The following LRRN2 variants were observed in gnomAD, a reference collection of about 807,000 sequenced individuals.
LRRN2 encodes the protein leucine-rich repeat neuronal protein 2.
In LRRN2, 10 loss-of-function variants were observed where a neutral mutation model predicts 35.7. The observed-to-expected ratio is 0.28, with a 90% CI of 0.17 to 0.47. The LOEUF is 0.47. LRRN2 is among the 20% of genes least tolerant of loss of function. LRRN2 has a pLI of 0.99. For missense variants in LRRN2, 731 were observed against 940.3 expected (o/e 0.78, Z 2.91); for synonymous variants, 391 against 409.6 (o/e 0.95, Z 0.55).
intron 1 of LRRN2, among the ~76,000 whole-genome samples, chr1:204,631,385 CTT>C (rs1425332038): frequency 2.7e-5 from 4 of 146,036 alleles, no homozygotes. Flanking sequence ...CAAGGGAACT[CTT>C]ATCCATTGAG....
intron 1 of LRRN2, chr1:204,620,475 A>G (rs1164932564): frequency 1.1e-5 from 2 of 182,434 alleles, no homozygotes; most frequent in South Asian, 2.9e-4. Flanking sequence ...GGGTTTCTCC[A>G]TGTTGGCCAG....
At chr1:204,659,422 C>T (rs1668423122) in intron 1 of LRRN2, among the ~76,000 whole-genome samples, 1 of 152,160 alleles carries the variant, frequency 6.6e-6, no homozygotes, top group South Asian at 2.1e-4. Flanking sequence ...CTGCATGGAG[C>T]CCGGCCTGAA....
chr1:204,622,595 C>G (rs1484551904), intron 1 of LRRN2, among the ~76,000 whole-genome samples: 1 of 152,020 alleles, frequency 6.6e-6, no homozygotes, highest in Admixed American at 6.5e-5. Context: ...ACCCAGCTAC[C>G]CAAGCCAGTG....
chr1:204,618,604 A>G lies in LRRN2; in HGVS notation c.1389T>C (p.Leu463=). The G allele has an allele frequency of 6.2e-7, 1 of 1,613,854 alleles. No individual in the cohort carries two copies. Among genetic ancestry groups the G allele is most frequent in the Non-Finnish European group, 8.5e-7 (1 of 1,179,954 alleles). ...PEIYWVTPAG[L]RLTPAHAGRR... is the part of the protein sequence containing the mutation. Reference sequence around the variant, plus strand: ...TGCCTGCATGGGCAGGTGTCAGTCGAAGCCCAGCTGGAGTGACCCAGTAGA... The same window carrying G: ...TGCCTGCATGGGCAGGTGTCAGTCGGAGCCCAGCTGGAGTGACCCAGTAGA... Residue 463 remains leucine (L), a synonymous_variant, in exon 2 of 2, where the codon CTT becomes CTC. Coordinates refer to ENST00000367177, the MANE Select transcript of LRRN2 (RefSeq NM_201630.2).
rs77322283 is a variant in LRRN2, at chr1:204,646,346, G to A, written c.-226-26128C>T. Among the ~76,000 whole-genome samples the A allele has an allele frequency of 7.7e-4, 117 of 152,128 alleles. No homozygotes were observed. The East Asian group carries it at 0.018, about 24-fold the overall frequency. ...TGTGTGCGTGTGTGTGTTATTTTTCGTTTAGTTTTTAGTGAACGTTCTTTT... is the reference window on the plus strand; with the variant it reads ...TGTGTGCGTGTGTGTGTTATTTTTCATTTAGTTTTTAGTGAACGTTCTTTT... On this transcript the variant is annotated intron_variant, in intron 1 of 1. Coordinates refer to ENST00000367177, the MANE Select transcript of LRRN2 (RefSeq NM_201630.2).
chr1:204,665,235 T>C (rs1169471272), intron 1 of LRRN2, among the ~76,000 whole-genome samples: 1 of 152,126 alleles, frequency 6.6e-6, no homozygotes, highest in Admixed American at 6.5e-5. Context: ...TGATCATGCA[T>C]TCCCGGGGGT....
chr1:204,675,454 C>T (rs1022611608), intron 1 of LRRN2, among the ~76,000 whole-genome samples: 5 of 152,216 alleles, frequency 3.3e-5, no homozygotes, highest in Non-Finnish European at 7.3e-5. Flanking sequence ...GTTTCCTGGA[C>T]TTTCCCAGCT....
rs1033599001 is a variant in LRRN2 at position 204,679,789 on chromosome 1, G to C, written c.-227+5531C>G. 9.2e-5 allele frequency among the ~76,000 whole-genome samples: 14 copies of C among 152,350 alleles called. No individual in the cohort carries two copies. The East Asian group carries it at 2.5e-3, about 27-fold the overall frequency. On this transcript the variant is annotated intron_variant, in intron 1 of 1. Transcript: ENST00000367177. ...ACTCTTAAGGTCCAGCTTCTCTGAG[G>C]ATAGTGGCTCCATGTGGCCCCGAGG...
rs773647972 is a variant in LRRN2, at chr1:204,619,445, C to T, written c.548G>A (p.Arg183His). ...NSNLLRAIDS[R>H]WFEMLPNLEI... ...CAAGTTGGGCAGCATTTCAAACCAG[C>T]GGCTGTCAATGGCCCTCAGGAGGTT... The change falls in exon 2 of 2, where the codon CGC (arginine) becomes CAC (histidine). Residue 183 changes from arginine to histidine, a missense_variant. Arg to His is a conservative substitution (Grantham distance 29, BLOSUM62 0). Around this residue, in one of 3 missense-constraint regions of LRRN2, gnomAD observed 246 missense variants for 289.5 expected, o/e 0.85. Coordinates refer to ENST00000367177, the MANE Select transcript of LRRN2 (RefSeq NM_201630.2). 1.2e-5 allele frequency: 19 copies of T among 1,614,258 alleles called. No homozygotes were observed. The highest frequency in any genetic ancestry group is 6.7e-5 in the African/African-American group (5 of 75,070).
intron 1 of LRRN2, among the ~76,000 whole-genome samples, chr1:204,671,470 G>A (rs905438196): frequency 1.3e-5 from 2 of 149,404 alleles, no homozygotes; most frequent in Admixed American, 1.4e-4. Flanking sequence ...AATGCAGGTA[G>A]AAAGAAGCAG....
chr1:204,669,598 G>C (rs756845054), intron 1 of LRRN2, among the ~76,000 whole-genome samples: 1 of 152,232 alleles, frequency 6.6e-6, no homozygotes, highest in Non-Finnish European at 1.5e-5. Flanking sequence ...AAGGTACAGG[G>C]ATGCTTTTCT....
intron 1 of LRRN2, among the ~76,000 whole-genome samples, chr1:204,680,775 G>C (rs1346687530): frequency 6.6e-6 from 1 of 152,188 alleles, no homozygotes; most frequent in Non-Finnish European, 1.5e-5. Flanking sequence ...CATTCACAAA[G>C]AGCAATGAAC....
chr1:204,683,683 A>G (rs1669002894), intron 1 of LRRN2, among the ~76,000 whole-genome samples: 1 of 152,280 alleles, frequency 6.6e-6, no homozygotes, highest in South Asian at 2.1e-4. Context: ...GCAGACCTCA[A>G]TCTCCCAGGC....
chr1:204,627,169 T>C (rs1667446381), intron 1 of LRRN2: 1 of 152,226 alleles, frequency 6.6e-6, no homozygotes, highest in Admixed American at 6.5e-5. Context: ...CATCCCATCC[T>C]TCTGTGAGGG....
chr1:204,634,033 A>G (rs1667772569), intron 1 of LRRN2, among the ~76,000 whole-genome samples: 1 of 152,268 alleles, frequency 6.6e-6, no homozygotes, highest in African/African-American at 2.4e-5. Flanking sequence ...TCTGTGATCA[A>G]TAACAGGCAT....
At chr1:204,676,945 A>G (rs1276979573) in intron 1 of LRRN2, among the ~76,000 whole-genome samples, 1 of 152,178 alleles carries the variant, frequency 6.6e-6, no homozygotes, top group Non-Finnish European at 1.5e-5. Context: ...TCCAGGCTTT[A>G]GTTTCCTCAA....
At chr1:204,678,153 C>A (rs1473483075) in intron 1 of LRRN2, among the ~76,000 whole-genome samples, 1 of 152,222 alleles carries the variant, frequency 6.6e-6, no homozygotes, top group East Asian at 1.9e-4. Flanking sequence ...CTAAATCACA[C>A]AGTTTAGCAC....
At chr1:204,628,754 C>G (rs1667582831) in intron 1 of LRRN2, 1 of 152,228 alleles carries the variant, frequency 6.6e-6, no homozygotes, top group African/African-American at 2.4e-5. Context: ...TTCTAGTCTT[C>G]CGGACAGCTC....
intron 1 of LRRN2, among the ~76,000 whole-genome samples, chr1:204,636,907 G>T (rs1252803012): frequency 6.6e-6 from 1 of 152,126 alleles, no homozygotes; most frequent in Non-Finnish European, 1.5e-5. Flanking sequence ...GAAAAACATT[G>T]TAAGCAAAAA....
Sources: allele counts gnomAD v4.1 joint callset (sites outside exome capture counted in the v4.1 genomes callset), GRCh38; gene constraint gnomAD v4.1.1; regional missense constraint gnomAD v4.1.1; transcripts MANE v1.5; gene names NCBI Gene and HGNC (gene_info 2026-07-23, HGNC 2026-07-21).